LRP1B: variants seen among roughly 807,000 people sequenced by gnomAD.
The protein encoded by LRP1B is LDL receptor related protein 1B, also known as low-density lipoprotein receptor-related protein 1B.
LRP1B carries 217 observed loss-of-function variants against 556.6 expected under a neutral mutation model. The observed-to-expected ratio is 0.39, with a 90% CI of 0.35 to 0.44. The LOEUF (loss-of-function observed/expected upper bound fraction) is 0.44, where lower values mean the gene tolerates loss of function less well. Ranked by LOEUF, LRP1B falls within the 20% of genes least tolerant of loss-of-function variation. LRP1B has a pLI of 1.00. For synonymous variants in LRP1B, 2,047 were observed against 1,865.8 expected (o/e 1.10, Z -2.50); for missense variants, 5,053 against 5,620.8 (o/e 0.90, Z 3.23).
chr2:140,258,942 A>T (rs1019893019), intron 86 of LRP1B, among the ~76,000 whole-genome samples: 1 of 152,130 alleles, frequency 6.6e-6, no homozygotes, highest in Non-Finnish European at 1.5e-5. Flanking sequence ...AACTTTTTCT[A>T]TCAGATGACT....
chr2:141,777,867 A>C (rs1014797753), intron 2 of LRP1B, among the ~76,000 whole-genome samples: 27 of 150,364 alleles, frequency 1.8e-4, no homozygotes, highest in South Asian at 4.2e-4. Flanking sequence ...TTATGATGTA[A>C]TTGTTTTTTT....
chr2:141,172,253 T>C (rs1204224804), intron 7 of LRP1B, among the ~76,000 whole-genome samples: 1 of 152,176 alleles, frequency 6.6e-6, no homozygotes, highest in Non-Finnish European at 1.5e-5. Context: ...GGATGCTCCA[T>C]GTAGTATTGC....
chr2:141,198,780 T>C (rs1395267615), intron 6 of LRP1B, among the ~76,000 whole-genome samples: 1 of 152,184 alleles, frequency 6.6e-6, no homozygotes, highest in Non-Finnish European at 1.5e-5. Context: ...CACAGAGGTG[T>C]CTTTTTCCCA....
intron 20 of LRP1B, among the ~76,000 whole-genome samples, chr2:140,948,727 T>C (rs1448158875): frequency 6.6e-6 from 1 of 152,236 alleles, no homozygotes; most frequent in African/African-American, 2.4e-5. Flanking sequence ...CCATCAACCA[T>C]GAGAACTTGT....
intron 21 of LRP1B, among the ~76,000 whole-genome samples, chr2:140,909,683 T>C (rs1429347): frequency 0.5 from 75,278 of 150,558 alleles, 19,684 homozygotes; most frequent in Middle Eastern, 0.66. Flanking sequence ...AAATGAGGAA[T>C]AACATTAGAA....
chr2:141,813,831 G>A (rs752430422), intron 1 of LRP1B, among the ~76,000 whole-genome samples: 4 of 152,134 alleles, frequency 2.6e-5, no homozygotes, highest in African/African-American at 4.8e-5. Context: ...GAGGGCTAAG[G>A]CAGAGATTTA....
rs111423253 is a variant in LRP1B, at chr2:141,112,071, T to TACATAATAAATAAATAAATA, written c.1014-49799_1014-49798insTATTTATTTATTTATTATGT. Among the ~76,000 whole-genome samples the TACATAATAAATAAATAAATA allele has an allele frequency of 9.4e-3, 1,368 of 145,818 alleles. 21 individuals carry two copies. The highest frequency in any genetic ancestry group is 0.069 in the East Asian group (345 of 5,008). On this transcript the variant is annotated intron_variant, in intron 7 of 90. Transcript: ENST00000389484. ...AAAAATAAATAAATAAATAAATAAATAATAAATAAATAAATAAATAAATAA... is the reference window on the plus strand; with the variant it reads ...AAAAATAAATAAATAAATAAATAAATACATAATAAATAAATAAATAAATAAATAAATAAATAAATAAATAA...
chr2:140,926,056 CT>C (rs70991119), intron 20 of LRP1B, among the ~76,000 whole-genome samples: 9,962 of 85,786 alleles, frequency 0.12, 282 homozygotes, highest in Non-Finnish European at 0.16. Context: ...TGGAGATTTT[CT>C]TTTTTTTTTT....
intron 41 of LRP1B, among the ~76,000 whole-genome samples, chr2:140,648,924 G>A (rs1326200496): frequency 6.6e-6 from 1 of 152,124 alleles, no homozygotes; most frequent in African/African-American, 2.4e-5. Context: ...GATAGGAGCT[G>A]GAGAATGTAG....
chr2:140,983,001 G>A lies in LRP1B; in HGVS notation c.2771-725C>T, dbSNP rs568766768. Reference sequence around the variant, plus strand: ...TGGAATCTTCCTTTCTGTGTTAGCCGGAGGCAGTGGTTTATTCAGAAAAGG... The same window carrying A: ...TGGAATCTTCCTTTCTGTGTTAGCCAGAGGCAGTGGTTTATTCAGAAAAGG... On this transcript the variant is annotated intron_variant, in intron 17 of 90. Coordinates refer to ENST00000389484, the MANE Select transcript of LRP1B (RefSeq NM_018557.3). 2.9e-4 allele frequency among the ~76,000 whole-genome samples: 44 copies of A among 152,094 alleles called. 1 individual carries two copies. In the South Asian group the frequency reaches 8.5e-3, roughly 29 times the overall value.
chr2:141,305,557 C>T (rs1213564754), intron 3 of LRP1B, among the ~76,000 whole-genome samples: 1 of 152,102 alleles, frequency 6.6e-6, no homozygotes, highest in African/African-American at 2.4e-5. Flanking sequence ...TTTGAATTCC[C>T]GTTTTTCCAG....
chr2:141,950,932 G>C (rs1401482301), intron 1 of LRP1B, among the ~76,000 whole-genome samples: 1 of 151,988 alleles, frequency 6.6e-6, no homozygotes, highest in East Asian at 1.9e-4. Context: ...TGTAAAATTT[G>C]CTTGGTTGAA....
intron 1 of LRP1B, among the ~76,000 whole-genome samples, chr2:141,838,892 C>G (rs1697377264): frequency 1.3e-5 from 2 of 152,026 alleles, no homozygotes; most frequent in African/African-American, 4.8e-5. Context: ...ATGTAGCTTC[C>G]TATTACAGGT....
chr2:141,642,179 A>G (rs1246997727), intron 2 of LRP1B, among the ~76,000 whole-genome samples: 3 of 152,138 alleles, frequency 2.0e-5, no homozygotes, highest in African/African-American at 7.2e-5. Context: ...GTATTGATAT[A>G]CACAAATAGG....
intron 7 of LRP1B, among the ~76,000 whole-genome samples, chr2:141,171,494 A>T (rs1308942318): frequency 2.6e-5 from 4 of 152,094 alleles, no homozygotes; most frequent in African/African-American, 9.7e-5. Flanking sequence ...GAGCTGATAC[A>T]AACTTAGAGC....
At chr2:140,868,377 G>A (rs1383623811) in intron 25 of LRP1B, 114 bp from the exon 26 acceptor site, 18 of 944,376 alleles carry the variant, frequency 1.9e-5, no homozygotes, top group Non-Finnish European at 2.7e-5. Context: ...AGTCACAAGA[G>A]AAACAGATGT....
intron 2 of LRP1B, among the ~76,000 whole-genome samples, chr2:141,544,791 G>C (rs1024069885): frequency 2.0e-5 from 3 of 151,662 alleles, no homozygotes; most frequent in Admixed American, 2.0e-4. Flanking sequence ...TCAGCCTCCA[G>C]GGTAGCTGGG....
chr2:140,531,976 T>C (rs2104987224), intron 47 of LRP1B, among the ~76,000 whole-genome samples: 3 of 152,250 alleles, frequency 2.0e-5, no homozygotes, highest in Middle Eastern at 3.4e-3. Flanking sequence ...TGATGCACTC[T>C]ACTCATGCAA....
intron 3 of LRP1B, among the ~76,000 whole-genome samples, chr2:141,314,849 TATATATACATATATATAC>T (rs1177201483): frequency 7.9e-6 from 1 of 126,590 alleles, no homozygotes; most frequent in Non-Finnish European, 1.7e-5. Context: ...TATATACACA[TATATATACATATATATAC>T]ATATATACAT....
Sources: gnomAD v4.1 joint callset for allele counts (sites outside exome capture counted in the v4.1 genomes callset) on GRCh38, gnomAD v4.1.1 for gene constraint, MANE v1.5 for transcripts, NCBI Gene and HGNC (gene_info 2026-07-23, HGNC 2026-07-21) for gene names.